The following PAQR5 variants were observed in gnomAD, a reference collection of about 807,000 sequenced individuals.
PAQR5 encodes the protein membrane progestin receptor gamma.
Under a neutral mutation model 34.5 loss-of-function variants are expected in PAQR5, and 20 were observed. That is an observed-to-expected ratio of 0.58 (90% CI 0.41 to 0.84). The LOEUF is 0.84. Among genes scored for constraint, PAQR5 ranks in the 40% least tolerant of loss-of-function variants. The pLI is 0.00. For missense variants in PAQR5, 378 were observed against 412.7 expected, an observed-to-expected ratio of 0.92 and a Z score of 0.73; for synonymous variants, 131 against 155.6, an observed-to-expected ratio of 0.84 and a Z score of 1.18.
At chr15:69,368,655 ACTTT>A (rs561505842) in intron 3 of PAQR5, among the ~76,000 whole-genome samples, 265 of 152,276 alleles carry the variant, frequency 1.7e-3, no homozygotes, top group African/African-American at 4.5e-3. Flanking sequence ...CATTCTGGGT[ACTTT>A]CTTTGGATCT....
In PAQR5 at chr15:69,364,559, G is replaced by A. The variant is rs1162830068; in HGVS notation, c.51+4428G>A. Among the ~76,000 whole-genome samples the A allele has an allele frequency of 5.3e-5, 6 of 114,140 alleles. No homozygotes were observed. The Admixed American group carries it at 5.8e-4, about 11-fold the overall frequency. 74.9% of individuals were successfully genotyped at this position (114,140 alleles called of 152,430 possible). A position where few individuals can be genotyped will look rare whatever the true frequency, so the allele number is the denominator to read the frequency against. ...ATTATATATGTTATATATATATAAC[G>A]AGTTGTGATAGCAGGCATCTTTGTA... On this transcript the variant is annotated intron_variant, in intron 3 of 8. Coordinates refer to ENST00000395407, the MANE Select transcript of PAQR5 (RefSeq NM_017705.4).
At chr15:69,392,150 TTG>T in intron 6 of PAQR5, 2 of 168,402 alleles carry the variant, frequency 1.2e-5, no homozygotes, top group Non-Finnish European at 2.6e-5. Context: ...TTATTTTTTT[TTG>T]TTTTAAGTAG....
chr15:69,389,236 G>A (rs776752289), intron 5 of PAQR5, among the ~76,000 whole-genome samples: 3 of 152,222 alleles, frequency 2.0e-5, no homozygotes, highest in Non-Finnish European at 2.9e-5. Context: ...ATGGACCACA[G>A]CATGTGGCTA....
intron 2 of PAQR5, among the ~76,000 whole-genome samples, chr15:69,347,621 G>A (rs1178796932): frequency 6.6e-6 from 1 of 152,124 alleles, no homozygotes; most frequent in Non-Finnish European, 1.5e-5. Flanking sequence ...TGGTCTCTGG[G>A]TGTCTTAGTC....
intron 1 of PAQR5, among the ~76,000 whole-genome samples, chr15:69,320,476 A>G (rs1332001831): frequency 1.3e-5 from 2 of 152,172 alleles, no homozygotes; most frequent in African/African-American, 4.8e-5. Flanking sequence ...CTGACAATGC[A>G]TGGAAATAGT....
At chr15:69,354,941 C>A (rs1284902368) in intron 2 of PAQR5, among the ~76,000 whole-genome samples, 1 of 152,102 alleles carries the variant, frequency 6.6e-6, no homozygotes, top group African/African-American at 2.4e-5. Context: ...GCTTTCTGGC[C>A]CTTGGACTCT....
At chr15:69,326,994 GGTT>G (rs969456477) in intron 1 of PAQR5, among the ~76,000 whole-genome samples, 2 of 151,662 alleles carry the variant, frequency 1.3e-5, no homozygotes, top group Admixed American at 1.3e-4. Flanking sequence ...TATCATGCTG[GGTT>G]TTTTTTTTAG....
chr15:69,368,554 A>T (rs77369500), intron 3 of PAQR5, among the ~76,000 whole-genome samples: 2,991 of 152,270 alleles, frequency 0.02, 99 homozygotes, highest in African/African-American at 0.069. Flanking sequence ...TAGCACATCA[A>T]AACCATTTAT....
chr15:69,338,094 A>T (rs1451303805), intron 2 of PAQR5, among the ~76,000 whole-genome samples: 2 of 152,070 alleles, frequency 1.3e-5, no homozygotes, highest in Non-Finnish European at 2.9e-5. Context: ...ACAAACAAAC[A>T]AAAAAACCAG....
At position 69,307,325 on chromosome 15, in the gene PAQR5, G is replaced by A. The variant is rs558665157; in HGVS notation, c.-277+8269G>A. ...CCCTGCTCTCACTTCCTTTGGATGC[G>A]TGCCCAGAAGTGGAGTTTCTGGGTC... On this transcript the variant is annotated intron_variant, in intron 1 of 8. Coordinates refer to ENST00000395407, the MANE Select transcript of PAQR5 (RefSeq NM_017705.4). Among the ~76,000 whole-genome samples, 17 of 152,288 alleles carry A rather than the reference G, an allele frequency of 1.1e-4. No individual in the cohort carries two copies. The South Asian group carries it at 2.1e-3, about 19-fold the overall frequency.
intron 1 of PAQR5, among the ~76,000 whole-genome samples, chr15:69,315,260 C>A (rs1271638272): frequency 1.3e-5 from 2 of 152,150 alleles, no homozygotes; most frequent in Non-Finnish European, 2.9e-5. Context: ...GTGTCCCCTG[C>A]AGCATCAATG....
chr15:69,347,035 C>T (rs200539428), intron 2 of PAQR5, among the ~76,000 whole-genome samples: 5 of 152,114 alleles, frequency 3.3e-5, no homozygotes, highest in East Asian at 3.9e-4. Flanking sequence ...TTGGCCAGGC[C>T]GGTCTCAGAC....
In PAQR5 at chr15:69,301,042, T is replaced by C. The variant is rs183349818; in HGVS notation, c.-277+1986T>C. 3.5e-3 allele frequency among the ~76,000 whole-genome samples: 505 copies of C among 145,368 alleles called. 6 individuals carry two copies. Among genetic ancestry groups the C allele is most frequent in the Non-Finnish European group, 5.5e-3 (367 of 66,916 alleles). ...TCTTTTTGACTGAGTCTTGCTCTATTACCCAGGCTAGAGTGCAAGGGCGAG... is the reference window on the plus strand; with the variant it reads ...TCTTTTTGACTGAGTCTTGCTCTATCACCCAGGCTAGAGTGCAAGGGCGAG... On this transcript the variant is annotated intron_variant, in intron 1 of 8. Transcript: ENST00000395407.
chr15:69,338,643 C>A (rs1465611377), intron 2 of PAQR5, among the ~76,000 whole-genome samples: 2 of 152,162 alleles, frequency 1.3e-5, no homozygotes, highest in South Asian at 2.1e-4. Flanking sequence ...ATCTTCATAG[C>A]CTACACCTTG....
Position 69,383,847 on chromosome 15 carries a change from CTTTGTGT to C in PAQR5, c.180-828_180-822del, listed in dbSNP as rs2056011096. Among the ~76,000 whole-genome samples the C allele has an allele frequency of 1.4e-3, 2 of 1,392 alleles. 1 individual carries two copies. 0.9% of individuals were successfully genotyped at this position (1,392 alleles called of 152,430 possible). On this transcript the variant is annotated intron_variant, in intron 4 of 8. Coordinates refer to ENST00000395407, the MANE Select transcript of PAQR5 (RefSeq NM_017705.4). ...TGTTCATGGTGGAGGGTGAGTGGGCCTTTGTGTTCATGGTGGAGGGTGAGTGGGCCTT... is the reference window on the plus strand; with the variant it reads ...TGTTCATGGTGGAGGGTGAGTGGGCCTCATGGTGGAGGGTGAGTGGGCCTT...
chr15:69,346,226 A>G (rs2054765014), intron 2 of PAQR5, among the ~76,000 whole-genome samples: 1 of 151,918 alleles, frequency 6.6e-6, no homozygotes, highest in African/African-American at 2.4e-5. Context: ...ATCATAACTG[A>G]AATGATTAAA....
intron 1 of PAQR5, among the ~76,000 whole-genome samples, chr15:69,322,769 A>AGAT (rs1566997979): frequency 0.019 from 555 of 29,606 alleles, 110 homozygotes; most frequent in Non-Finnish European, 0.029. Flanking sequence ...AAGAAGAAGA[A>AGAT]GAGGGAGAAG....
intron 1 of PAQR5, among the ~76,000 whole-genome samples, chr15:69,332,833 T>C (rs572108886): frequency 7.3e-6 from 1 of 137,626 alleles, no homozygotes; most frequent in African/African-American, 2.7e-5. Context: ...CCTTGAGACA[T>C]GAATGTGTCC....
chr15:69,336,872 T>C (rs973696217), intron 1 of PAQR5, among the ~76,000 whole-genome samples: 26 of 152,368 alleles, frequency 1.7e-4, no homozygotes, highest in African/African-American at 6.0e-4. Context: ...AATTGTTATG[T>C]AAAATTGTTG....
Sources: gnomAD v4.1 joint callset for allele counts (sites outside exome capture counted in the v4.1 genomes callset) on GRCh38, gnomAD v4.1.1 for gene constraint, MANE v1.5 for transcripts, NCBI Gene and HGNC (gene_info 2026-07-23, HGNC 2026-07-21) for gene names.